The following LARGE1 variants were observed in gnomAD, a reference collection of about 807,000 sequenced individuals.
The protein encoded by LARGE1 is xylosyl- and glucuronyltransferase LARGE1.
In LARGE1, 43 loss-of-function variants were observed where a neutral mutation model predicts 87.6. The ratio of observed to expected loss-of-function variants is 0.49; its 90% CI spans 0.38 to 0.63. LARGE1 has a LOEUF of 0.63. Among genes scored for constraint, LARGE1 ranks in the 30% least tolerant of loss-of-function variants. The probability of loss-of-function intolerance (pLI) is 0.00; values close to 1 mark genes in which losing one functional copy is unlikely to be tolerated. For missense variants in LARGE1, 802 were observed against 1,000.2 expected (o/e 0.80, Z 2.67); for synonymous variants, 434 against 394.6 (o/e 1.10, Z -1.18).
chr22:33,339,312 T>A (rs1022871420), intron 9 of LARGE1, among the ~76,000 whole-genome samples: 6 of 151,812 alleles, frequency 4.0e-5, no homozygotes, highest in Non-Finnish European at 5.9e-5. Context: ...ATTTGGAGCA[T>A]GAGAACTCAA....
At chr22:33,510,387 C>T (rs1291316056) in intron 6 of LARGE1, among the ~76,000 whole-genome samples, 2 of 152,160 alleles carry the variant, frequency 1.3e-5, no homozygotes, top group East Asian at 1.9e-4. Flanking sequence ...AGAGAGGAGA[C>T]CTCTAACAAT....
intron 1 of LARGE1, among the ~76,000 whole-genome samples, chr22:33,840,717 C>G (rs1000316022): frequency 6.6e-6 from 1 of 151,932 alleles, no homozygotes; most frequent in African/African-American, 2.4e-5. Flanking sequence ...GTCACCCAGG[C>G]TGGAGCACAG....
the LARGE1 span, among the ~76,000 whole-genome samples, chr22:33,131,674 A>T: frequency 3.3e-5 from 5 of 152,180 alleles, no homozygotes; most frequent in Non-Finnish European, 5.9e-5. Flanking sequence ...TCACGAGAAA[A>T]GTATGGGAAA....
intron 11 of LARGE1, among the ~76,000 whole-genome samples, chr22:33,237,025 C>T (rs566301860): frequency 6.6e-6 from 1 of 152,202 alleles, no homozygotes; most frequent in South Asian, 2.1e-4. Flanking sequence ...AGATCATCAG[C>T]GTGGTTAGAA....
chr22:33,717,543 G>C (rs2082948798), intron 2 of LARGE1, among the ~76,000 whole-genome samples: 1 of 152,144 alleles, frequency 6.6e-6, no homozygotes, highest in Non-Finnish European at 1.5e-5. Flanking sequence ...GAAAGCCACA[G>C]AGGAGCCCGT....
chr22:33,234,968 T>C (rs1926183010), intron 11 of LARGE1, among the ~76,000 whole-genome samples: 1 of 152,242 alleles, frequency 6.6e-6, no homozygotes, highest in Non-Finnish European at 1.5e-5. Context: ...GATGAATATT[T>C]TGATTCTCCA....
the LARGE1 span, among the ~76,000 whole-genome samples, chr22:33,081,175 G>A: frequency 6.6e-6 from 1 of 152,178 alleles, no homozygotes; most frequent in Admixed American, 6.5e-5. Flanking sequence ...GGAAGAGAAC[G>A]TTAACCAGGA....
In LARGE1 at chr22:33,424,592, G is replaced by A. The variant is rs1327063657; in HGVS notation, c.892+7569C>T. ...TGTAATCCTAGCACTTTGGGAAGCA[G>A]AGGTGGGAGGATTGCTTGAGCTCAG... is the stretch of plus-strand genomic sequence containing the variant. On this transcript the variant is annotated intron_variant, in intron 7 of 14. Coordinates refer to ENST00000397394, the MANE Select transcript of LARGE1 (RefSeq NM_133642.5). Among the ~76,000 whole-genome samples the A allele has an allele frequency of 5.3e-5, 8 of 152,276 alleles. No individual in the cohort carries two copies. The East Asian group carries it at 1.4e-3, about 26-fold the overall frequency.
chr22:33,254,176 A>C (rs1927145104), intron 11 of LARGE1, among the ~76,000 whole-genome samples: 1 of 152,186 alleles, frequency 6.6e-6, no homozygotes, highest in South Asian at 2.1e-4. Context: ...TATCACGAAA[A>C]AAAGAGGAAG....
chr22:33,447,783 G>A (rs926034824), intron 6 of LARGE1, among the ~76,000 whole-genome samples: 2 of 152,116 alleles, frequency 1.3e-5, no homozygotes, highest in Non-Finnish European at 2.9e-5. Flanking sequence ...GGGAGGAGGA[G>A]GAAGGACAGG....
chr22:33,709,127 C>T (rs2082649996), intron 2 of LARGE1, among the ~76,000 whole-genome samples: 1 of 152,218 alleles, frequency 6.6e-6, no homozygotes, highest in Non-Finnish European at 1.5e-5. Context: ...GGCTTCAACA[C>T]AACTTCGGAC....
chr22:33,214,046 T>C (rs1416980039), intron 11 of LARGE1, among the ~76,000 whole-genome samples: 2 of 152,198 alleles, frequency 1.3e-5, no homozygotes, highest in Non-Finnish European at 2.9e-5. Context: ...GCCAGGGTGG[T>C]CTTGATTTCC....
intron 11 of LARGE1, among the ~76,000 whole-genome samples, chr22:33,259,715 A>G (rs1393845749): frequency 1.3e-5 from 2 of 152,168 alleles, no homozygotes; most frequent in African/African-American, 4.8e-5. Context: ...AATGATGACA[A>G]TTCAATGGTG....
At chr22:33,175,392 A>G (rs1241243687) in intron 11 of LARGE1, among the ~76,000 whole-genome samples, 2 of 152,184 alleles carry the variant, frequency 1.3e-5, no homozygotes, top group Admixed American at 6.5e-5. Flanking sequence ...ACATGATTAT[A>G]TACTTAGAAA....
At chr22:33,489,525 C>T (rs1446926593) in intron 6 of LARGE1, among the ~76,000 whole-genome samples, 1 of 152,092 alleles carries the variant, frequency 6.6e-6, no homozygotes, top group Non-Finnish European at 1.5e-5. Flanking sequence ...GTGGTTTCCC[C>T]CATACTGTTC....
rs76735021 is a variant in LARGE1, at chr22:33,720,241, A to T, written c.106+41130T>A. On this transcript the variant is annotated intron_variant, in intron 2 of 14. Coordinates refer to ENST00000397394, the MANE Select transcript of LARGE1 (RefSeq NM_133642.5). ...GATCATCAGGCATTAGATTCTCATA[A>T]GGAGCCCTCTTGTGCTCAGTTCACA... 4.9e-3 allele frequency among the ~76,000 whole-genome samples: 749 copies of T among 152,246 alleles called. 8 individuals are homozygous for T. The highest frequency in any genetic ancestry group is 0.017 in the African/African-American group (723 of 41,536).
chr22:33,453,983 C>T (rs2068036997), intron 6 of LARGE1, among the ~76,000 whole-genome samples: 1 of 152,282 alleles, frequency 6.6e-6, no homozygotes, highest in East Asian at 1.9e-4. Context: ...GCCTTAGTGT[C>T]AAGTAATTAT....
intron 2 of LARGE1, among the ~76,000 whole-genome samples, chr22:33,752,226 C>A (rs1257092555): frequency 1.3e-5 from 2 of 152,182 alleles, no homozygotes; most frequent in East Asian, 3.9e-4. Flanking sequence ...AGGGGTAGAG[C>A]TAAGGGATCA....
At chr22:33,558,957 T>G (rs988550012) in intron 6 of LARGE1, among the ~76,000 whole-genome samples, 9 of 152,214 alleles carry the variant, frequency 5.9e-5, no homozygotes, top group Non-Finnish European at 1.3e-4. Flanking sequence ...GCACATTATC[T>G]TGTACAATTC....
Sources: gnomAD v4.1 joint callset for allele counts (sites outside exome capture counted in the v4.1 genomes callset) on GRCh38, gnomAD v4.1.1 for gene constraint, MANE v1.5 for transcripts, NCBI Gene and HGNC (gene_info 2026-07-23, HGNC 2026-07-21) for gene names.